UPF2: variants seen among roughly 807,000 people sequenced by gnomAD.
The protein encoded by UPF2 is UPF2 regulator of nonsense mediated mRNA decay, also known as regulator of nonsense transcripts 2.
UPF2 carries 17 observed loss-of-function variants against 141.4 expected under a neutral mutation model. The ratio of observed to expected loss-of-function variants is 0.12; its 90% CI spans 0.08 to 0.18. The LOEUF (loss-of-function observed/expected upper bound fraction) is 0.18, where lower values mean the gene tolerates loss of function less well. UPF2 is among the 10% of genes least tolerant of loss of function. UPF2 has a pLI of 1.00. For missense variants in UPF2, 1,152 were observed against 1,515.9 expected (o/e 0.76, Z 3.99); for synonymous variants, 540 against 498.0 (o/e 1.08, Z -1.12).
chr10:11,985,649 A>C lies in UPF2; in HGVS notation c.1845-6484T>G, dbSNP rs373537641. On this transcript the variant is annotated intron_variant, in intron 8 of 21. Transcript: ENST00000357604. The stretch of plus-strand genomic sequence containing the variant: ...AAAAAAAAAAAAACAAACAAACAAA[A>C]AAAAAGAATGCTTTCTTCGTGTTCT... Among the ~76,000 whole-genome samples, 288 of 151,842 alleles carry C rather than the reference A, an allele frequency of 1.9e-3. 1 individual carries two copies. Among genetic ancestry groups the C allele is most frequent in the Admixed American group, 4.7e-3 (72 of 15,230 alleles).
chr10:12,027,906 C>A (rs1365882260), intron 3 of UPF2, among the ~76,000 whole-genome samples: 4 of 152,164 alleles, frequency 2.6e-5, no homozygotes, highest in Non-Finnish European at 5.9e-5. Flanking sequence ...CTCAACCATG[C>A]AATATAAATA....
At chr10:11,938,404 G>T (rs564431202) in intron 18 of UPF2, among the ~76,000 whole-genome samples, 1 of 151,930 alleles carries the variant, frequency 6.6e-6, no homozygotes, top group Non-Finnish European at 1.5e-5. Flanking sequence ...CTTACTAGGG[G>T]TAAATTTTTA....
Position 12,014,027 on chromosome 10 carries a change from C to T in UPF2, c.1303G>A (p.Glu435Lys). 3 of 1,550,964 alleles carry T rather than the reference C, an allele frequency of 1.9e-6. No individual in the cohort carries two copies. Among genetic ancestry groups the T allele is most frequent in the Non-Finnish European group, 2.6e-6 (3 of 1,146,014 alleles). Residue 435 changes from glutamate (E) to lysine (K), a missense_variant, in exon 4 of 22, where the codon GAA becomes AAA. Transcript: ENST00000357604. This position sits in a 1 kb window ranked among gnomAD's most constrained non-coding sequence, Gnocchi z 5.0. Reference sequence around the variant, plus strand: ...TGTTTTTAAGGATATCTCTTACCTTCTGGTGTTGGTTTGTCTTGAGGAAGA... The same window carrying T: ...TGTTTTTAAGGATATCTCTTACCTTTTGGTGTTGGTTTGTCTTGAGGAAGA... ...PDLPQDKPTP[E>K]EHGPGIDIFT... is the part of the protein sequence containing the mutation.
At chr10:12,006,754 G>A (rs1042471630) in intron 4 of UPF2, among the ~76,000 whole-genome samples, 5 of 152,122 alleles carry the variant, frequency 3.3e-5, no homozygotes, top group African/African-American at 1.2e-4. Context: ...CTTGGTTCCT[G>A]GCAGACCTCC....
intron 8 of UPF2, among the ~76,000 whole-genome samples, chr10:11,985,562 G>A (rs1426761207): frequency 4.6e-5 from 7 of 151,248 alleles, no homozygotes; most frequent in Admixed American, 1.3e-4. Context: ...GCGTGAACCC[G>A]GGAGGCGGAG....
chr10:12,031,152 C>A (rs1184515692), intron 2 of UPF2, among the ~76,000 whole-genome samples: 2 of 126,452 alleles, frequency 1.6e-5, no homozygotes, highest in Non-Finnish European at 3.1e-5. Flanking sequence ...CCGGCCTGGG[C>A]GAAAGAGCAA....
chr10:12,017,375 T>C (rs1368158125), intron 3 of UPF2, among the ~76,000 whole-genome samples: 1 of 152,230 alleles, frequency 6.6e-6, no homozygotes, highest in Non-Finnish European at 1.5e-5. Flanking sequence ...ATTTCTAACA[T>C]ATAAGCAGTA....
Position 12,016,791 on chromosome 10 carries a change from G to A in UPF2, c.1146-2607C>T, listed in dbSNP as rs1218273025. On this transcript the variant is annotated intron_variant, in intron 3 of 21. Coordinates refer to ENST00000357604, the MANE Select transcript of UPF2 (RefSeq NM_015542.4). The surrounding 1 kb of genome is among the most constrained non-coding windows in gnomAD (Gnocchi z 4.1). ...TAATCCCAGCACTTTGGGAGGCCGA[G>A]GCAGGCGGATCACCTGAGGTGAGGA... Among the ~76,000 whole-genome samples, 3 of 152,152 alleles carry A rather than the reference G, an allele frequency of 2.0e-5. No individual in the cohort carries two copies. Among genetic ancestry groups the A allele is most frequent in the Non-Finnish European group, 4.4e-5 (3 of 68,028 alleles).
intron 16 of UPF2, among the ~76,000 whole-genome samples, chr10:11,945,652 T>C (rs1832991561): frequency 1.3e-5 from 2 of 152,198 alleles, no homozygotes; most frequent in Non-Finnish European, 2.9e-5. Context: ...TTACAAATGA[T>C]ATAACTATCA....
chr10:12,026,543 C>T (rs12415637), intron 3 of UPF2: 182,845 of 425,062 alleles, frequency 0.43, 43,126 homozygotes, highest in Non-Finnish European at 0.51. Context: ...TACTGGTATT[C>T]CTCAAACCAT....
At chr10:11,947,022 T>C (rs1319183870) in intron 16 of UPF2, among the ~76,000 whole-genome samples, 1 of 152,214 alleles carries the variant, frequency 6.6e-6, no homozygotes, top group Non-Finnish European at 1.5e-5. Flanking sequence ...GCCAACATGG[T>C]GAAACCCCAT....
chr10:11,923,600 A>C (rs4750143), intron 21 of UPF2, among the ~76,000 whole-genome samples: 107,153 of 150,586 alleles, frequency 0.71, 38,394 homozygotes, highest in Non-Finnish European at 0.74. Flanking sequence ...GAATTGCTTG[A>C]ACCCGGGAGG....
intron 8 of UPF2, among the ~76,000 whole-genome samples, chr10:11,991,831 C>A (rs1276013992): frequency 1.3e-5 from 2 of 152,170 alleles, no homozygotes; most frequent in Non-Finnish European, 2.9e-5. Context: ...CCCAAGAACA[C>A]TTTTTGAGAA....
At position 11,967,330 on chromosome 10, in the gene UPF2, T is replaced by A; in HGVS notation, c.2067+11A>T. 7.0e-7 allele frequency: 1 copy of A among 1,424,458 alleles called. No homozygotes were observed. The highest frequency in any genetic ancestry group is 1.5e-5 in the African/African-American group (1 of 67,354). 88.2% of individuals were successfully genotyped at this position (1,424,458 alleles called of 1,614,324 possible). On this transcript the variant is annotated intron_variant, in intron 10 of 21. Transcript: ENST00000357604. Reference sequence around the variant, plus strand: ...TTTCAATTAAAAACAATCAACTAATTCAGCACTAACCTTTAAACAATGCAG... The same window carrying A: ...TTTCAATTAAAAACAATCAACTAATACAGCACTAACCTTTAAACAATGCAG...
chr10:12,023,199 A>G (rs764791092), intron 3 of UPF2, among the ~76,000 whole-genome samples: 2 of 152,232 alleles, frequency 1.3e-5, no homozygotes, highest in African/African-American at 4.8e-5. Flanking sequence ...TAGGACCTCT[A>G]TAATATTTCA....
rs949757609 is a variant in UPF2, at chr10:12,016,209, TA to T, written c.1146-2026del. Among the ~76,000 whole-genome samples the T allele has an allele frequency of 4.1e-4, 62 of 152,196 alleles. No homozygotes were observed. The highest frequency in any genetic ancestry group is 2.9e-3 in the South Asian group (14 of 4,824). On this transcript the variant is annotated intron_variant, in intron 3 of 21. Coordinates refer to ENST00000357604, the MANE Select transcript of UPF2 (RefSeq NM_015542.4). The surrounding 1 kb of genome is among the most constrained non-coding windows in gnomAD (Gnocchi z 4.1). The stretch of plus-strand genomic sequence containing the variant: ...CTCATTTTGGAAGTGAAAAGTCATT[TA>T]AAAAAAATTTTTTTTAATTTACTTT...
chr10:11,928,248 C>A (rs11599531), intron 21 of UPF2, among the ~76,000 whole-genome samples: 9,703 of 151,468 alleles, frequency 0.064, 389 homozygotes, highest in Non-Finnish European at 0.092. Context: ...GAGGCAGGAG[C>A]ATCACTTGAA....
In UPF2 at chr10:11,943,312, G is replaced by A. The variant is rs538839913; in HGVS notation, c.3175-144C>T. On this transcript the variant is annotated intron_variant, in intron 16 of 21. Transcript: ENST00000357604. ...TTTAGGTAGTTGGTTTCCAATGGGA[G>A]GGCAAAGTCAGCTAGCAACGTTTAA... 7.3e-6 allele frequency: 5 copies of A among 688,490 alleles called. No individual in the cohort carries two copies. The East Asian group carries it at 1.4e-4, about 19-fold the overall frequency. 42.6% of individuals were successfully genotyped at this position (688,490 alleles called of 1,614,324 possible).
In UPF2 at chr10:11,998,885, C is replaced by T. The variant is rs1310622105; in HGVS notation, c.1758+1021G>A. Reference sequence around the variant, plus strand: ...ATAAAAAATAAAAAGATTAGCTGGGCGTGGTGGTGCACGCCTGTAGTCCCA... The same window carrying T: ...ATAAAAAATAAAAAGATTAGCTGGGTGTGGTGGTGCACGCCTGTAGTCCCA... On this transcript the variant is annotated intron_variant, in intron 7 of 21. Transcript: ENST00000357604. This position sits in a 1 kb window ranked among gnomAD's most constrained non-coding sequence, Gnocchi z 4.5. Among the ~76,000 whole-genome samples the T allele has an allele frequency of 2.0e-5, 3 of 151,776 alleles. No homozygotes were observed. The highest frequency in any genetic ancestry group is 4.4e-5 in the Non-Finnish European group (3 of 67,924).
Sources: allele counts gnomAD v4.1 joint callset (sites outside exome capture counted in the v4.1 genomes callset), GRCh38; gene constraint gnomAD v4.1.1; non-coding constraint Gnocchi (gnomAD v3.1); transcripts MANE v1.5; gene names NCBI Gene and HGNC (gene_info 2026-07-23, HGNC 2026-07-21).